The following EFCAB5 variants were observed in gnomAD, a reference collection of about 807,000 sequenced individuals.
EFCAB5 encodes EF-hand calcium-binding domain-containing protein 5.
Under a neutral mutation model 167.9 loss-of-function variants are expected in EFCAB5, and 131 were observed. That is an observed-to-expected ratio of 0.78 (90% confidence interval 0.68 to 0.90). The LOEUF (loss-of-function observed/expected upper bound fraction) is 0.90, where lower values mean the gene tolerates loss of function less well. Among genes scored for constraint, EFCAB5 ranks in the 40% least tolerant of loss-of-function variants. The probability of loss-of-function intolerance (pLI) is 0.00; values close to 1 mark genes in which losing one functional copy is unlikely to be tolerated. For synonymous variants in EFCAB5, 574 were observed against 602.8 expected (o/e 0.95, Z 0.70); for missense variants, 1,663 against 1,745.2 (o/e 0.95, Z 0.84).
intron 7 of EFCAB5, among the ~76,000 whole-genome samples, chr17:30,019,829 T>G (rs2069132243): frequency 1.3e-5 from 2 of 152,196 alleles, no homozygotes; most frequent in Non-Finnish European, 2.9e-5. Flanking sequence ...TCAGTTGTGC[T>G]TTTGTTCTTC....
At chr17:29,998,387 A>T (rs1311819744) in intron 6 of EFCAB5, among the ~76,000 whole-genome samples, 2 of 152,174 alleles carry the variant, frequency 1.3e-5, no homozygotes, top group African/African-American at 4.8e-5. Context: ...CCTATACTAC[A>T]GTATTTATTT....
intron 15 of EFCAB5, 127 bp from the exon 16 acceptor site, chr17:30,079,945 T>C (rs1256608166): frequency 1.8e-6 from 2 of 1,114,912 alleles, no homozygotes; most frequent in Non-Finnish European, 2.5e-6. Context: ...AATAGTAATA[T>C]ATGCATTCTT....
intron 7 of EFCAB5, among the ~76,000 whole-genome samples, chr17:30,003,806 A>G (rs1420405729): frequency 6.6e-6 from 1 of 152,112 alleles, no homozygotes; most frequent in Non-Finnish European, 1.5e-5. Context: ...GCATCTGCTG[A>G]TTAAATTTTC....
chr17:29,939,078 T>C (rs1396503035), upstream of EFCAB5, among the ~76,000 whole-genome samples: 2 of 152,226 alleles, frequency 1.3e-5, no homozygotes, highest in Non-Finnish European at 2.9e-5. Flanking sequence ...AAAGTTTAAA[T>C]TGGTCTTTGA....
chr17:30,032,771 T>G (rs2069511629), intron 7 of EFCAB5, among the ~76,000 whole-genome samples: 1 of 152,228 alleles, frequency 6.6e-6, no homozygotes, highest in African/African-American at 2.4e-5. Flanking sequence ...AAAATTTATA[T>G]TAAATCTTTA....
chr17:30,057,564 G>A, intron 12 of EFCAB5, 112 bp from the exon 13 acceptor site: 3 of 853,816 alleles, frequency 3.5e-6, no homozygotes, highest in Non-Finnish European at 5.5e-6. Flanking sequence ...AAGGAAGCAT[G>A]GATTCCTGAC....
At chr17:29,961,859 A>C (rs1362560367) in intron 3 of EFCAB5, among the ~76,000 whole-genome samples, 1 of 152,086 alleles carries the variant, frequency 6.6e-6, no homozygotes. Flanking sequence ...ATTTGTTTTC[A>C]GTTCATTTTT....
At chr17:29,941,167 C>T (rs1416871098), upstream of EFCAB5, among the ~76,000 whole-genome samples, 1 of 152,116 alleles carries the variant, frequency 6.6e-6, no homozygotes, top group Admixed American at 6.6e-5. Context: ...CTTTACACAA[C>T]ACCTAGCTCA....
intron 22 of EFCAB5, among the ~76,000 whole-genome samples, chr17:30,104,687 T>C (rs1597581035): frequency 6.6e-6 from 1 of 152,186 alleles, no homozygotes; most frequent in Middle Eastern, 3.4e-3. Context: ...AAGAGGGCAG[T>C]AGCACTCAAC....
intron 22 of EFCAB5, among the ~76,000 whole-genome samples, chr17:30,094,311 C>T (rs1188919123): frequency 6.6e-6 from 1 of 151,816 alleles, no homozygotes; most frequent in Non-Finnish European, 1.5e-5. Flanking sequence ...ATGTAACAAA[C>T]CTGCATGTTG....
intron 7 of EFCAB5, among the ~76,000 whole-genome samples, chr17:30,002,448 G>A (rs548852310): frequency 1.5e-4 from 23 of 152,294 alleles, no homozygotes; most frequent in Middle Eastern, 3.4e-3. Context: ...TACTGGTAAT[G>A]ACATTTTGCC....
intron 17 of EFCAB5, 133 bp from the exon 18 acceptor site, chr17:30,082,758 C>T: frequency 1.0e-6 from 1 of 963,384 alleles, no homozygotes; most frequent in Non-Finnish European, 1.5e-6. Context: ...CCTTTGAGGA[C>T]TGCTGAATAA....
rs573424622 is a variant in EFCAB5, at chr17:30,012,362, C to T, written c.1044+12386C>T. 6.9e-4 allele frequency among the ~76,000 whole-genome samples: 105 copies of T among 152,296 alleles called. 1 individual carries two copies. The highest frequency in any genetic ancestry group is 2.3e-3 in the African/African-American group (94 of 41,570). ...TGCTTCAGTGGTCACGCTCCTAGTC[C>T]GCCTTCATGTTCCATCCTGTACACC... On this transcript the variant is annotated intron_variant, in intron 7 of 22. Transcript: ENST00000394835.
intron 3 of EFCAB5, among the ~76,000 whole-genome samples, chr17:29,964,608 T>G (rs1458642239): frequency 1.3e-5 from 2 of 152,080 alleles, no homozygotes; most frequent in East Asian, 3.9e-4. Flanking sequence ...TTGTTTTTTG[T>G]TTTTGTTTTT....
chr17:29,979,838 C>A (rs973012549), intron 4 of EFCAB5, among the ~76,000 whole-genome samples: 2 of 152,124 alleles, frequency 1.3e-5, no homozygotes, highest in Non-Finnish European at 2.9e-5. Context: ...CTGGCATGAG[C>A]TGGGGCTCAA....
intron 22 of EFCAB5, among the ~76,000 whole-genome samples, chr17:30,106,538 C>A (rs2071451516): frequency 6.6e-6 from 1 of 152,036 alleles, no homozygotes; most frequent in African/African-American, 2.4e-5. Context: ...TTCACTGCAA[C>A]CTCCACCTCC....
chr17:29,931,606 T>G (rs1165824270), intron 1 of EFCAB5, among the ~76,000 whole-genome samples: 1 of 151,710 alleles, frequency 6.6e-6, no homozygotes, highest in East Asian at 1.9e-4. Flanking sequence ...TTAAACAATC[T>G]GACTGTGTTT....
chr17:30,100,391 G>A (rs1277958317), intron 22 of EFCAB5, among the ~76,000 whole-genome samples: 8 of 152,168 alleles, frequency 5.3e-5, no homozygotes, highest in Non-Finnish European at 1.0e-4. Flanking sequence ...AAGCAAAGTC[G>A]AGTAAGGCAG....
intron 8 of EFCAB5, among the ~76,000 whole-genome samples, chr17:30,040,151 T>C (rs1466861635): frequency 6.6e-6 from 1 of 152,204 alleles, no homozygotes; most frequent in Non-Finnish European, 1.5e-5. Context: ...GGTAGCTCTT[T>C]CTCAAGATTC....
Sources: allele counts gnomAD v4.1 joint callset (sites outside exome capture counted in the v4.1 genomes callset), GRCh38; gene constraint gnomAD v4.1.1; transcripts MANE v1.5; gene names NCBI Gene and HGNC (gene_info 2026-07-23, HGNC 2026-07-21).